The following USP7 variants were observed in gnomAD, a reference collection of about 807,000 sequenced individuals.
USP7 encodes the protein ubiquitin specific peptidase 7, also known as ubiquitin C-terminal hydrolase 7.
A neutral mutation model predicts 162.9 loss-of-function variants in USP7; 9 were observed. That is an observed-to-expected ratio of 0.06 (90% CI 0.03 to 0.10). USP7 has a LOEUF of 0.10. Among genes scored for constraint, USP7 ranks in the 10% least tolerant of loss-of-function variants. The pLI, the probability that USP7 is intolerant of heterozygous loss-of-function variation, is 1.00. For missense variants in USP7, 715 were observed against 1,373.7 expected (o/e 0.52, Z 7.58); for synonymous variants, 562 against 475.9 (o/e 1.18, Z -2.35).
intron 27 of USP7, 107 bp downstream of exon 27, chr16:8,895,535 A>T: frequency 2.0e-6 from 2 of 989,056 alleles, no homozygotes; most frequent in East Asian, 2.4e-5. Context: ...GATTACTGGT[A>T]TAAAAACACA....
chr16:8,930,421 C>G, intron 1 of USP7, 24 bp from the exon 2 acceptor site: 1 of 1,578,038 alleles, frequency 6.3e-7, no homozygotes, highest in Non-Finnish European at 8.6e-7. Context: ...AAAGAAATTC[C>G]ACGGGTTTTA....
chr16:8,898,519 T>G lies in USP7; in HGVS notation c.2640+12A>C. 1.2e-6 allele frequency: 2 copies of G among 1,607,926 alleles called. No individual in the cohort carries two copies. The highest frequency in any genetic ancestry group is 1.7e-6 in the Non-Finnish European group (2 of 1,177,516). On this transcript the variant is annotated intron_variant, in intron 24 of 30. Transcript: ENST00000344836. ...CTTTATGACCCATAGTTACATTAAT[T>G]TGGACTCATACCTGCTGATAGTAAA...
At chr16:8,913,114 G>C (rs1019537532) in intron 10 of USP7, among the ~76,000 whole-genome samples, 1 of 152,190 alleles carries the variant, frequency 6.6e-6, no homozygotes, top group African/African-American at 2.4e-5. Context: ...CCAAAATCTT[G>C]GGAGGCCAAG....
At position 8,923,433 on chromosome 16, in the gene USP7, T is replaced by C; in HGVS notation, c.185-20A>G. 2 of 1,613,254 alleles carry C rather than the reference T, an allele frequency of 1.2e-6. No homozygotes were observed. The highest frequency in any genetic ancestry group is 1.1e-5 in the South Asian group (1 of 91,014). On this transcript the variant is annotated intron_variant, in intron 2 of 30. Coordinates refer to ENST00000344836, the MANE Select transcript of USP7 (RefSeq NM_003470.3). ...TGGTGTCTGCAAAAAAAACACATCATCAGTCACAGAGCCTGTGCATTGACC... is the reference window on the plus strand; with the variant it reads ...TGGTGTCTGCAAAAAAAACACATCACCAGTCACAGAGCCTGTGCATTGACC...
At chr16:8,910,662 G>A in intron 11 of USP7, 83 bp downstream of exon 11, 1 of 1,309,716 alleles carries the variant, frequency 7.6e-7, no homozygotes. Context: ...AAAGGCACAA[G>A]CAAATTTTTA....
chr16:8,959,482 C>T (rs570044755), intron 1 of USP7, among the ~76,000 whole-genome samples: 1 of 152,234 alleles, frequency 6.6e-6, no homozygotes, highest in Admixed American at 6.5e-5. Flanking sequence ...CCTGGGGAAT[C>T]GCTTTGAATC....
chr16:8,963,176 G>A, intron 1 of USP7, 31 bp downstream of exon 1: 2 of 1,394,086 alleles, frequency 1.4e-6, no homozygotes, highest in Admixed American at 2.6e-5. Context: ...GGCGCCCCCC[G>A]GCCCCGCCGC....
chr16:8,904,617 T>A, intron 14 of USP7, 52 bp from the exon 15 acceptor site: 1 of 1,598,800 alleles, frequency 6.3e-7, no homozygotes, highest in Non-Finnish European at 8.5e-7. Flanking sequence ...TTTCCCCTCT[T>A]AGAAGCTCCC....
chr16:8,902,598 T>C, intron 16 of USP7, 116 bp from the exon 17 acceptor site: 1 of 900,220 alleles, frequency 1.1e-6, no homozygotes, highest in Non-Finnish European at 1.6e-6. Context: ...ATGTTAAGAC[T>C]GTGATCGTAG....
chr16:8,939,967 A>G lies in USP7; in HGVS notation c.80-9570T>C, dbSNP rs1245291307. On this transcript the variant is annotated intron_variant, in intron 1 of 30. Transcript: ENST00000344836. ...ACAAAAATTAGCCAAGCATGGTGGC[A>G]CATGCCTGTAATCCAAGCTACTTGG... Among the ~76,000 whole-genome samples, 4 of 152,184 alleles carry G rather than the reference A, an allele frequency of 2.6e-5. No individual in the cohort carries two copies. The East Asian group carries it at 7.7e-4, about 29-fold the overall frequency.
At chr16:8,927,679 T>C (rs1246077224) in intron 2 of USP7, among the ~76,000 whole-genome samples, 1 of 151,672 alleles carries the variant, frequency 6.6e-6, no homozygotes, top group Non-Finnish European at 1.5e-5. Flanking sequence ...CTACTAAAAA[T>C]ACAAAAATTA....
rs76435791 is a variant in USP7 at position 8,918,009 on chromosome 16, C to G, written c.721-853G>C. Among the ~76,000 whole-genome samples, 34 of 151,842 alleles carry G rather than the reference C, an allele frequency of 2.2e-4. No individual in the cohort carries two copies. The East Asian group carries it at 6.1e-3, about 27-fold the overall frequency. ...GTTTCACCATGTTAGCCAGGATGGT[C>G]TCGATCTGCTGACCTCATGATCCGC... On this transcript the variant is annotated intron_variant, in intron 6 of 30. Coordinates refer to ENST00000344836, the MANE Select transcript of USP7 (RefSeq NM_003470.3).
intron 6 of USP7, among the ~76,000 whole-genome samples, chr16:8,918,475 T>C (rs1196668189): frequency 1.3e-5 from 2 of 152,250 alleles, no homozygotes. Context: ...TTTTTCTAAA[T>C]ACCTTCACAA....
At chr16:8,905,732 A>C (rs1477136202) in intron 13 of USP7, among the ~76,000 whole-genome samples, 1 of 152,256 alleles carries the variant, frequency 6.6e-6, no homozygotes, top group Non-Finnish European at 1.5e-5. Context: ...TATCAAACTA[A>C]ATGAGCTGTT....
rs746030691 is a variant in USP7, at chr16:8,921,312, T to C, written c.384-17A>G. 1 of 1,609,740 alleles carries C rather than the reference T, an allele frequency of 6.2e-7. No homozygotes were observed. The highest frequency in any genetic ancestry group is 1.1e-5 in the South Asian group (1 of 90,392). Reference sequence around the variant, plus strand: ...GACCATGACCTGTTTAAAAGAATAATCTGAGCCTTAGTTGACATTATTTAC... The same window carrying C: ...GACCATGACCTGTTTAAAAGAATAACCTGAGCCTTAGTTGACATTATTTAC... On this transcript the variant is annotated splice_polypyrimidine_tract_variant and intron_variant, in intron 3 of 30. Coordinates refer to ENST00000344836, the MANE Select transcript of USP7 (RefSeq NM_003470.3).
In USP7 at chr16:8,911,923, G is replaced by A. The variant is rs545978996; in HGVS notation, c.1079-1096C>T. Among the ~76,000 whole-genome samples, 18 of 152,304 alleles carry A rather than the reference G, an allele frequency of 1.2e-4. No homozygotes were observed. The East Asian group carries it at 2.9e-3, about 24-fold the overall frequency. On this transcript the variant is annotated intron_variant, in intron 10 of 30. Transcript: ENST00000344836. Reference sequence around the variant, plus strand: ...GAAGTCTGTGTTCCCACCAGCCACCGTGGAAAAACCGCTGAACACCTGGGA... The same window carrying A: ...GAAGTCTGTGTTCCCACCAGCCACCATGGAAAAACCGCTGAACACCTGGGA...
At chr16:8,915,626 T>A in intron 8 of USP7, 101 bp from the exon 9 acceptor site, 2 of 1,066,438 alleles carry the variant, frequency 1.9e-6, no homozygotes, top group Non-Finnish European at 2.7e-6. Context: ...AAAGAAGTTG[T>A]AGACTATAAA....
chr16:8,929,306 G>GT (rs762829947), intron 2 of USP7: 25 of 353,034 alleles, frequency 7.1e-5, no homozygotes, highest in Admixed American at 4.5e-4. Context: ...CATTGCCCTC[G>GT]TCTACGGTGG....
chr16:8,951,528 C>A (rs1899549324), intron 1 of USP7, among the ~76,000 whole-genome samples: 1 of 152,020 alleles, frequency 6.6e-6, no homozygotes. Context: ...GGAGAGAGCC[C>A]CTGGATATCC....
Sources: allele counts gnomAD v4.1 joint callset (sites outside exome capture counted in the v4.1 genomes callset), GRCh38; gene constraint gnomAD v4.1.1; transcripts MANE v1.5; gene names NCBI Gene and HGNC (gene_info 2026-07-23, HGNC 2026-07-21).